Variants in VAT1L observed in about 807,000 individuals in gnomAD.
VAT1L encodes the protein putative NADPH-dependent quinone oxidoreductase VAT1L.
A neutral mutation model predicts 44.1 loss-of-function variants in VAT1L; 34 were observed. The ratio of observed to expected loss-of-function variants is 0.77; its 90% CI spans 0.59 to 1.03. VAT1L has a LOEUF of 1.03. Among genes scored for constraint, VAT1L ranks in the 50% least tolerant of loss-of-function variants. The pLI, the probability that VAT1L is intolerant of heterozygous loss-of-function variation, is 0.00. For missense variants in VAT1L, 615 were observed against 538.8 expected, an observed-to-expected ratio of 1.14 and a Z score of -1.40; for synonymous variants, 253 against 202.2, an observed-to-expected ratio of 1.25 and a Z score of -2.13.
intron 3 of VAT1L, among the ~76,000 whole-genome samples, chr16:77,834,635 G>A (rs937902855): frequency 2.0e-5 from 3 of 151,678 alleles, no homozygotes; most frequent in African/African-American, 7.3e-5. Context: ...CCTATCCCCC[G>A]TCTCTATCCA....
chr16:77,922,949 G>C (rs1407528048), intron 7 of VAT1L, among the ~76,000 whole-genome samples: 1 of 152,138 alleles, frequency 6.6e-6, no homozygotes, highest in Non-Finnish European at 1.5e-5. Context: ...AGACCTGTTT[G>C]TTCAATCTTC....
rs978411435 is a variant in VAT1L, at chr16:77,978,730, G to T, written c.*1035G>T. On this transcript the variant is annotated 3_prime_UTR_variant, in exon 9 of 9. Coordinates refer to ENST00000302536, the MANE Select transcript of VAT1L (RefSeq NM_020927.3). ...TTCAGCATCTGATGTCAGATGTACA[G>T]TTCCTCCCCTCCCATATATAAACCC... 6.6e-6 allele frequency: 1 copy of T among 152,168 alleles called. No homozygotes were observed. Among genetic ancestry groups the T allele is most frequent in the Non-Finnish European group, 1.5e-5 (1 of 68,038 alleles). 9.4% of individuals were successfully genotyped at this position (152,168 alleles called of 1,614,324 possible). A position where few individuals can be genotyped will look rare whatever the true frequency, so the allele number is the denominator to read the frequency against.
At chr16:77,975,263 G>A (rs2018325489) in intron 8 of VAT1L, among the ~76,000 whole-genome samples, 1 of 134,146 alleles carries the variant, frequency 7.5e-6, no homozygotes, top group East Asian at 2.4e-4. Flanking sequence ...AGGCTGGAGT[G>A]CAGTGGTGTG....
intron 4 of VAT1L, among the ~76,000 whole-genome samples, chr16:77,864,450 A>G (rs563502609): frequency 3.2e-4 from 49 of 152,142 alleles, no homozygotes; most frequent in African/African-American, 1.1e-3. Flanking sequence ...CCACAAAAAT[A>G]CAAAACGTAG....
intron 4 of VAT1L, among the ~76,000 whole-genome samples, chr16:77,863,317 C>T (rs765497965): frequency 3.9e-5 from 6 of 152,334 alleles, no homozygotes; most frequent in Non-Finnish European, 8.8e-5. Flanking sequence ...GATGGGCAGA[C>T]AGCACCAAAG....
At position 77,913,250 on chromosome 16, in the gene VAT1L, C is replaced by G. The variant is rs377352429; in HGVS notation, c.1077+28448C>G. On this transcript the variant is annotated intron_variant, in intron 7 of 8. Transcript: ENST00000302536. ...CTGTCTTAAATTTTTAAGTGTATAGCACACTGTTAACTATATACACAATAT... is the reference window on the plus strand; with the variant it reads ...CTGTCTTAAATTTTTAAGTGTATAGGACACTGTTAACTATATACACAATAT... 4.6e-5 allele frequency among the ~76,000 whole-genome samples: 7 copies of G among 152,276 alleles called. No homozygotes were observed. The East Asian group carries it at 7.7e-4, about 17-fold the overall frequency.
At chr16:77,802,939 C>T (rs147970860) in intron 1 of VAT1L, among the ~76,000 whole-genome samples, 5 of 152,234 alleles carry the variant, frequency 3.3e-5, no homozygotes, top group Admixed American at 6.5e-5. Context: ...CTCACCATCA[C>T]GGCAGCGGAC....
At chr16:77,924,108 T>C (rs1597101033) in intron 7 of VAT1L, among the ~76,000 whole-genome samples, 2 of 152,180 alleles carry the variant, frequency 1.3e-5, no homozygotes, top group East Asian at 1.9e-4. Flanking sequence ...GTGTACATAA[T>C]ACAGATGTCA....
chr16:77,896,650 G>A (rs146246900), intron 7 of VAT1L, among the ~76,000 whole-genome samples: 170 of 152,304 alleles, frequency 1.1e-3, no homozygotes, highest in African/African-American at 3.8e-3. Flanking sequence ...TGGGGCCTCA[G>A]GGCATGCATT....
chr16:77,894,600 T>C (rs1400377440), intron 7 of VAT1L, among the ~76,000 whole-genome samples: 1 of 152,146 alleles, frequency 6.6e-6, no homozygotes, highest in Non-Finnish European at 1.5e-5. Flanking sequence ...ATGGCATTTC[T>C]TTTTGGAGAG....
chr16:77,842,510 G>A (rs2016717290), intron 3 of VAT1L, among the ~76,000 whole-genome samples: 1 of 152,192 alleles, frequency 6.6e-6, no homozygotes. Flanking sequence ...GCGGAGTGGG[G>A]GAATGATAGG....
chr16:77,876,749 C>A (rs1216839039), intron 5 of VAT1L, among the ~76,000 whole-genome samples: 1 of 152,166 alleles, frequency 6.6e-6, no homozygotes, highest in East Asian at 1.9e-4. Flanking sequence ...TAAGGGACAT[C>A]ACCCACAGAA....
intron 7 of VAT1L, among the ~76,000 whole-genome samples, chr16:77,889,959 C>T (rs1055654652): frequency 2.0e-5 from 3 of 152,096 alleles, no homozygotes; most frequent in Middle Eastern, 3.4e-3. Context: ...ATGGTGGCAA[C>T]GCCTATAGTC....
chr16:77,800,573 G>A (rs2016028983), intron 1 of VAT1L: 1 of 152,148 alleles, frequency 6.6e-6, no homozygotes, highest in Admixed American at 6.5e-5. Context: ...CAGTTCTCCT[G>A]GTTGCCCAAA....
rs767773488 is a variant in VAT1L at position 77,825,420 on chromosome 16, G to A, written c.538G>A (p.Glu180Lys). Residue 180 changes from glutamate to lysine, a missense_variant, in exon 3 of 9, where the codon GAA becomes AAA. Transcript: ENST00000302536. ...VMLFEVANLREGMSVLVHSAG... is the reference protein window; with the variant it reads ...VMLFEVANLRKGMSVLVHSAG... ...GCTGTTTGAAGTTGCCAACCTCCGG[G>A]AAGGGATGTCTGTGCTCGTGCACTC... 7 of 1,608,414 alleles carry A rather than the reference G, an allele frequency of 4.4e-6. No homozygotes were observed. The East Asian group carries it at 1.6e-4, about 36-fold the overall frequency.
intron 2 of VAT1L, among the ~76,000 whole-genome samples, chr16:77,819,162 G>C (rs1262442991): frequency 2.0e-5 from 3 of 152,086 alleles, no homozygotes; most frequent in African/African-American, 7.2e-5. Context: ...GAGAGATCTG[G>C]GAGCAGCCAG....
chr16:77,921,331 C>T (rs573035801), intron 7 of VAT1L, among the ~76,000 whole-genome samples: 1 of 152,130 alleles, frequency 6.6e-6, no homozygotes, highest in Non-Finnish European at 1.5e-5. Context: ...TGCACTGAGA[C>T]GTGTTGCATT....
rs117164515 is a variant in VAT1L at position 77,846,003 on chromosome 16, C to T, written c.580-16745C>T. ...GGTCTTCCTGTGCTAGAGGGGTCTTCTTGAAATCAGAATGGGCCTTAGCAT... is the reference window on the plus strand; with the variant it reads ...GGTCTTCCTGTGCTAGAGGGGTCTTTTTGAAATCAGAATGGGCCTTAGCAT... On this transcript the variant is annotated intron_variant, in intron 3 of 8. Transcript: ENST00000302536. 4.3e-3 allele frequency among the ~76,000 whole-genome samples: 653 copies of T among 152,268 alleles called. 22 individuals carry two copies. The highest frequency in any genetic ancestry group is 0.037 in the Admixed American group (568 of 15,288).
chr16:77,965,818 C>T (rs983610818), intron 7 of VAT1L, among the ~76,000 whole-genome samples: 1 of 152,168 alleles, frequency 6.6e-6, no homozygotes, highest in Non-Finnish European at 1.5e-5. Flanking sequence ...TCCACATATC[C>T]ACTTTTTCAT....
Sources: allele counts gnomAD v4.1 joint callset (sites outside exome capture counted in the v4.1 genomes callset), GRCh38; gene constraint gnomAD v4.1.1; transcripts MANE v1.5; gene names NCBI Gene and HGNC (gene_info 2026-07-23, HGNC 2026-07-21).